Variants in GRIA1 observed in about 807,000 individuals in gnomAD.
GRIA1 encodes the protein glutamate ionotropic receptor AMPA type subunit 1.
A neutral mutation model predicts 99.2 loss-of-function variants in GRIA1; 31 were observed. The ratio of observed to expected loss-of-function variants is 0.31; its 90% CI spans 0.23 to 0.42. The LOEUF is 0.42. Ranked by LOEUF, GRIA1 falls within the 10% of genes least tolerant of loss-of-function variation. The pLI is 1.00. For synonymous variants in GRIA1, 438 were observed against 432.4 expected (o/e 1.01, Z -0.16); for missense variants, 782 against 1,157.5 (o/e 0.68, Z 4.71).
chr5:153,580,740 G>A (rs1009714734), intron 2 of GRIA1, among the ~76,000 whole-genome samples: 1 of 152,196 alleles, frequency 6.6e-6, no homozygotes, highest in Non-Finnish European at 1.5e-5. Context: ...AGTTCAGGCT[G>A]CAACATCTCA....
At chr5:153,596,846 T>C (rs1158134812) in intron 2 of GRIA1, among the ~76,000 whole-genome samples, 1 of 152,200 alleles carries the variant, frequency 6.6e-6, no homozygotes, top group Non-Finnish European at 1.5e-5. Flanking sequence ...GTTGAACAAG[T>C]TGTTTAATGA....
chr5:153,782,101 C>T (rs1394921809), intron 13 of GRIA1, among the ~76,000 whole-genome samples: 1 of 152,126 alleles, frequency 6.6e-6, no homozygotes, highest in Non-Finnish European at 1.5e-5. Flanking sequence ...TGAAGACTTG[C>T]TATCTATAGC....
intron 11 of GRIA1, among the ~76,000 whole-genome samples, chr5:153,734,988 AT>A (rs1446090379): frequency 6.6e-6 from 1 of 152,112 alleles, no homozygotes; most frequent in Non-Finnish European, 1.5e-5. Context: ...CCCAGGAGAC[AT>A]TTTTGGATGC....
intron 11 of GRIA1, among the ~76,000 whole-genome samples, chr5:153,723,470 A>G (rs1415028917): frequency 2.0e-5 from 3 of 152,262 alleles, no homozygotes; most frequent in Non-Finnish European, 4.4e-5. Context: ...GCAAGGGATC[A>G]GGGAGTTCCC....
At chr5:153,551,171 T>G (rs1760105726) in intron 2 of GRIA1, among the ~76,000 whole-genome samples, 2 of 152,118 alleles carry the variant, frequency 1.3e-5, no homozygotes, top group Admixed American at 1.3e-4. Context: ...ATAGAAGATG[T>G]AATATTTTCT....
At chr5:153,711,080 C>T (rs1167028952) in intron 11 of GRIA1, among the ~76,000 whole-genome samples, 2 of 152,246 alleles carry the variant, frequency 1.3e-5, no homozygotes, top group East Asian at 1.9e-4. Flanking sequence ...TACAGTGAAT[C>T]AAGAGAACGG....
chr5:153,674,606 A>C lies in GRIA1; in HGVS notation c.806A>C (p.Gln269Pro). Residue 269 changes from glutamine to proline, a missense_variant, in exon 6 of 16, where the codon CAG (glutamine) becomes CCG (proline). Around this residue, in one of 5 missense-constraint regions of GRIA1, gnomAD observed 461 missense variants for 521.7 expected, o/e 0.88. Transcript: ENST00000285900. Reference protein sequence around the residue: ...TDTIPAKIMQQWKNSDARDHT... With the variant: ...TDTIPAKIMQPWKNSDARDHT... ...ACTATTCCGGCCAAGATCATGCAGC[A>C]GTGGAAGAATAGTGATGCTCGAGAC... The C allele has an allele frequency of 6.2e-7, 1 of 1,614,128 alleles. No individual in the cohort carries two copies. The highest frequency in any genetic ancestry group is 8.5e-7 in the Non-Finnish European group (1 of 1,179,992).
At chr5:153,745,057 C>T (rs761111919) in intron 11 of GRIA1, among the ~76,000 whole-genome samples, 3 of 152,222 alleles carry the variant, frequency 2.0e-5, no homozygotes, top group Admixed American at 6.5e-5. Flanking sequence ...TCATCCTGTG[C>T]TGCCAATCAT....
intron 8 of GRIA1, among the ~76,000 whole-genome samples, chr5:153,697,241 CG>C (rs1561777478): frequency 6.6e-6 from 1 of 152,200 alleles, no homozygotes; most frequent in East Asian, 1.9e-4. Context: ...GTCACTTCTG[CG>C]GCCATGTCAT....
chr5:153,567,759 G>T (rs1761777944), intron 2 of GRIA1, among the ~76,000 whole-genome samples: 1 of 152,188 alleles, frequency 6.6e-6, no homozygotes, highest in Non-Finnish European at 1.5e-5. Flanking sequence ...GAAGCAAGGT[G>T]GGGATGCACT....
intron 7 of GRIA1, among the ~76,000 whole-genome samples, chr5:153,677,665 G>A (rs1386464629): frequency 6.6e-6 from 1 of 152,182 alleles, no homozygotes; most frequent in Non-Finnish European, 1.5e-5. Flanking sequence ...TAGTTAAAGG[G>A]CAGGGATAGA....
At chr5:153,556,775 G>A (rs1356012532) in intron 2 of GRIA1, among the ~76,000 whole-genome samples, 1 of 152,166 alleles carries the variant, frequency 6.6e-6, no homozygotes, top group Non-Finnish European at 1.5e-5. Context: ...TACATGAAAT[G>A]CTTTAAAACT....
chr5:153,676,865 C>A, intron 6 of GRIA1, 129 bp from the exon 7 acceptor site: 1 of 585,504 alleles, frequency 1.7e-6, no homozygotes, highest in Non-Finnish European at 2.7e-6. Context: ...GTCTGCCCCA[C>A]GTATACCATG....
chr5:153,761,515 TAAC>T (rs936306307), intron 11 of GRIA1, among the ~76,000 whole-genome samples: 31 of 152,078 alleles, frequency 2.0e-4, no homozygotes, highest in African/African-American at 7.2e-4. Context: ...AGACAGAAAA[TAAC>T]AAATGCTAGC....
At chr5:153,498,588 CA>C (rs1461752200) in intron 2 of GRIA1, among the ~76,000 whole-genome samples, 1 of 152,196 alleles carries the variant, frequency 6.6e-6, no homozygotes, top group Non-Finnish European at 1.5e-5. Flanking sequence ...CCTAACAAGA[CA>C]TTAGGCACTG....
intron 11 of GRIA1, among the ~76,000 whole-genome samples, chr5:153,732,500 C>T (rs1761106393): frequency 6.6e-6 from 1 of 152,102 alleles, no homozygotes. Flanking sequence ...TTTTCATATA[C>T]ACATTGGCCA....
intron 2 of GRIA1, among the ~76,000 whole-genome samples, chr5:153,587,425 C>G (rs781329456): frequency 2.0e-5 from 3 of 152,150 alleles, no homozygotes; most frequent in Non-Finnish European, 2.9e-5. Context: ...AATAAATTAT[C>G]CAGTCTCAGG....
At chr5:153,661,846 T>A (rs1003266442) in intron 5 of GRIA1, among the ~76,000 whole-genome samples, 1 of 152,196 alleles carries the variant, frequency 6.6e-6, no homozygotes. Flanking sequence ...TAAGAGGCCT[T>A]CTAACCCACT....
At chr5:153,691,064 C>T (rs1757710852) in intron 8 of GRIA1, among the ~76,000 whole-genome samples, 1 of 152,164 alleles carries the variant, frequency 6.6e-6, no homozygotes, top group African/African-American at 2.4e-5. Flanking sequence ...CACTCATGTG[C>T]CAATATACCC....
Sources: gnomAD v4.1 joint callset for allele counts (sites outside exome capture counted in the v4.1 genomes callset) on GRCh38, gnomAD v4.1.1 for gene constraint, gnomAD v4.1.1 regional missense constraint, MANE v1.5 for transcripts, NCBI Gene and HGNC (gene_info 2026-07-23, HGNC 2026-07-21) for gene names.